RAPGEF5: variants seen among roughly 807,000 people sequenced by gnomAD.
The protein encoded by RAPGEF5 is Rap guanine nucleotide exchange factor 5, also known as M-Ras-regulated GEF.
RAPGEF5 carries 65 observed loss-of-function variants against 125.2 expected under a neutral mutation model. The observed-to-expected ratio is 0.52, with a 90% CI of 0.43 to 0.64. The LOEUF is 0.64. Among genes scored for constraint, RAPGEF5 ranks in the 30% least tolerant of loss-of-function variants. RAPGEF5 has a pLI of 0.00. For missense variants in RAPGEF5, 958 were observed against 1,048.1 expected, an observed-to-expected ratio of 0.91 and a Z score of 1.19; for synonymous variants, 391 against 385.9, an observed-to-expected ratio of 1.01 and a Z score of -0.16.
At chr7:22,261,550 T>TGCAGTGA (rs968883283) in intron 7 of RAPGEF5, among the ~76,000 whole-genome samples, 1 of 152,180 alleles carries the variant, frequency 6.6e-6, no homozygotes, top group African/African-American at 2.4e-5. Flanking sequence ...AGGTCAAAGC[T>TGCAGTGA]GCAGTGAGCA....
intron 1 of RAPGEF5, among the ~76,000 whole-genome samples, chr7:22,339,388 T>G (rs57346490): frequency 0.22 from 33,569 of 152,178 alleles, 4,038 homozygotes; most frequent in South Asian, 0.28. Context: ...CATTGCCACA[T>G]AGAAGACAGC....
At chr7:22,282,486 C>T (rs1782695188) in intron 6 of RAPGEF5, among the ~76,000 whole-genome samples, 1 of 152,140 alleles carries the variant, frequency 6.6e-6, no homozygotes, top group African/African-American at 2.4e-5. Flanking sequence ...CTGTTAAAAT[C>T]TATTCAGTAA....
At chr7:22,347,698 C>T (rs550818897) in intron 1 of RAPGEF5, among the ~76,000 whole-genome samples, 1 of 152,262 alleles carries the variant, frequency 6.6e-6, no homozygotes, top group East Asian at 1.9e-4. Flanking sequence ...ATTGGGTGAT[C>T]TTAGGCAACT....
intron 1 of RAPGEF5, among the ~76,000 whole-genome samples, chr7:22,351,251 C>T (rs948893389): frequency 2.6e-5 from 4 of 152,146 alleles, no homozygotes; most frequent in Admixed American, 2.6e-4. Flanking sequence ...TCGCCTATAA[C>T]CACAATGCTT....
intron 9 of RAPGEF5, among the ~76,000 whole-genome samples, chr7:22,197,537 T>A (rs1362360627): frequency 6.6e-6 from 1 of 152,216 alleles, no homozygotes; most frequent in Non-Finnish European, 1.5e-5. Context: ...AACTCTTATT[T>A]ATCCCACAAA....
chr7:22,192,702 A>C (rs2128125673), intron 11 of RAPGEF5: 1 of 152,430 alleles, frequency 6.6e-6, no homozygotes, highest in Non-Finnish European at 1.5e-5. Context: ...TCATTTTGTA[A>C]GTGGAACAGT....
intron 8 of RAPGEF5, 173 bp from the exon 9 acceptor site, chr7:22,220,164 G>A (rs1189480741): frequency 1.3e-6 from 1 of 771,838 alleles, no homozygotes; most frequent in Admixed American, 2.9e-5. Flanking sequence ...TATAACCTAA[G>A]AGCACCATGC....
chr7:22,231,211 G>C (rs1039050363), intron 7 of RAPGEF5, among the ~76,000 whole-genome samples: 1 of 152,040 alleles, frequency 6.6e-6, no homozygotes, highest in East Asian at 1.9e-4. Flanking sequence ...TTTACCAAAA[G>C]GGCAGCTGTG....
intron 18 of RAPGEF5, among the ~76,000 whole-genome samples, chr7:22,148,177 G>T (rs1447698563): frequency 1.3e-5 from 2 of 152,154 alleles, no homozygotes; most frequent in Non-Finnish European, 2.9e-5. Context: ...GATTGGTCTG[G>T]CCAGGCTAAG....
chr7:22,255,996 A>G (rs375634992), intron 7 of RAPGEF5, among the ~76,000 whole-genome samples: 1 of 152,220 alleles, frequency 6.6e-6, no homozygotes, highest in East Asian at 1.9e-4. Context: ...TCCTCTCTAA[A>G]TCTTGTGATT....
Position 22,122,192 on chromosome 7 carries a change from C to T in RAPGEF5, c.*214G>A, listed in dbSNP as rs10260672. The T allele has an allele frequency of 3.7e-3, 1,858 of 505,320 alleles. 8 individuals carry two copies. Among genetic ancestry groups the T allele is most frequent in the African/African-American group, 0.014 (741 of 52,650 alleles). 31.3% of individuals were successfully genotyped at this position (505,320 alleles called of 1,614,324 possible). On this transcript the variant is annotated 3_prime_UTR_variant, in exon 26 of 26. Transcript: ENST00000665637. ...AGAATGCTTCTGACTCTCCTTCTGCCTTCTTGTCCCGAGAGTAGCATGGAG... is the reference window on the plus strand; with the variant it reads ...AGAATGCTTCTGACTCTCCTTCTGCTTTCTTGTCCCGAGAGTAGCATGGAG...
chr7:22,139,257 A>T (rs988610804), intron 21 of RAPGEF5, among the ~76,000 whole-genome samples: 1 of 152,172 alleles, frequency 6.6e-6, no homozygotes, highest in African/African-American at 2.4e-5. Flanking sequence ...AGCCACACGC[A>T]GGCTAGAGGC....
intron 7 of RAPGEF5, among the ~76,000 whole-genome samples, chr7:22,250,332 C>G (rs974921011): frequency 1.2e-4 from 19 of 152,190 alleles, no homozygotes; most frequent in African/African-American, 4.6e-4. Context: ...TAGAAACTCT[C>G]AAGTGTTAAG....
intron 18 of RAPGEF5, among the ~76,000 whole-genome samples, chr7:22,149,121 G>T (rs914886447): frequency 2.0e-5 from 3 of 152,156 alleles, no homozygotes; most frequent in African/African-American, 7.2e-5. Context: ...AAGCTACAGT[G>T]GTTACTCAGC....
chr7:22,235,919 GGTAATT>G (rs1439326114), intron 7 of RAPGEF5, among the ~76,000 whole-genome samples: 3 of 152,094 alleles, frequency 2.0e-5, no homozygotes, highest in African/African-American at 7.2e-5. Context: ...GAAGAAAAAA[GGTAATT>G]GTAACATTTC....
chr7:22,193,822 C>A, intron 10 of RAPGEF5, 93 bp downstream of exon 10: 1 of 1,611,404 alleles, frequency 6.2e-7, no homozygotes, highest in Non-Finnish European at 8.5e-7. Context: ...GTAGAGGAGG[C>A]AGAGAGCGAG....
At chr7:22,323,407 A>C (rs1049598913) in intron 1 of RAPGEF5, among the ~76,000 whole-genome samples, 4 of 152,340 alleles carry the variant, frequency 2.6e-5, no homozygotes, top group Middle Eastern at 3.4e-3. Flanking sequence ...TACACAACAG[A>C]TACAACAGAA....
intron 6 of RAPGEF5, among the ~76,000 whole-genome samples, chr7:22,281,678 T>C (rs578094723): frequency 1.5e-4 from 23 of 152,362 alleles, no homozygotes; most frequent in African/African-American, 5.5e-4. Context: ...TGGCTATCTG[T>C]TCAGCTGAAT....
chr7:22,193,628 G>C (rs1562754437), intron 10 of RAPGEF5, 173 bp from the exon 11 acceptor site: 15 of 1,550,748 alleles, frequency 9.7e-6, no homozygotes, highest in Non-Finnish European at 1.3e-5. Flanking sequence ...CTCTCCAAAT[G>C]AGGGTCAAAG....
Sources: allele counts gnomAD v4.1 joint callset (sites outside exome capture counted in the v4.1 genomes callset), GRCh38; gene constraint gnomAD v4.1.1; transcripts MANE v1.5; gene names NCBI Gene and HGNC (gene_info 2026-07-23, HGNC 2026-07-21).